LRP1B: variants seen among roughly 807,000 people sequenced by gnomAD.
LRP1B encodes the protein low-density lipoprotein receptor-related protein 1B.
In LRP1B, 217 loss-of-function variants were observed where a neutral mutation model predicts 556.6. The ratio of observed to expected loss-of-function variants is 0.39; its 90% CI spans 0.35 to 0.44. The LOEUF is 0.44. Among genes scored for constraint, LRP1B ranks in the 20% least tolerant of loss-of-function variants. The pLI is 1.00. For synonymous variants in LRP1B, 2,047 were observed against 1,865.8 expected (o/e 1.10, Z -2.50); for missense variants, 5,053 against 5,620.8 (o/e 0.90, Z 3.23).
At chr2:140,640,496 C>T (rs1368749180) in intron 41 of LRP1B, among the ~76,000 whole-genome samples, 1 of 138,302 alleles carries the variant, frequency 7.2e-6, no homozygotes, top group Non-Finnish European at 1.5e-5. Context: ...CCCGGGTTCA[C>T]GCCATTCTCC....
intron 3 of LRP1B, among the ~76,000 whole-genome samples, chr2:141,393,171 T>C (rs1245297170): frequency 6.6e-6 from 1 of 151,972 alleles, no homozygotes; most frequent in Non-Finnish European, 1.5e-5. Context: ...AAGACTAAGT[T>C]TCTATAGTAA....
chr2:141,885,061 C>T (rs577578627), intron 1 of LRP1B, among the ~76,000 whole-genome samples: 4 of 152,210 alleles, frequency 2.6e-5, no homozygotes, highest in African/African-American at 7.2e-5. Flanking sequence ...TTGTTATGTG[C>T]TTATGAATTG....
chr2:141,698,735 G>C (rs756504305), intron 2 of LRP1B, among the ~76,000 whole-genome samples: 2 of 149,554 alleles, frequency 1.3e-5, no homozygotes, highest in African/African-American at 4.9e-5. Context: ...ATTTCAGAAC[G>C]GAAAAAAAAA....
At chr2:141,390,737 G>T (rs77216925) in intron 3 of LRP1B, among the ~76,000 whole-genome samples, 5,993 of 151,908 alleles carry the variant, frequency 0.039, 400 homozygotes, top group African/African-American at 0.13. Flanking sequence ...GGTAAAGTCA[G>T]AGAGAGAGAA....
At chr2:141,271,227 A>G (rs1487379080) in intron 3 of LRP1B, among the ~76,000 whole-genome samples, 1 of 151,936 alleles carries the variant, frequency 6.6e-6, no homozygotes, top group Non-Finnish European at 1.5e-5. Flanking sequence ...AGCTATGGAA[A>G]AATAAACAGA....
intron 2 of LRP1B, among the ~76,000 whole-genome samples, chr2:141,733,752 T>A (rs1009962291): frequency 6.6e-6 from 1 of 152,152 alleles, no homozygotes; most frequent in African/African-American, 2.4e-5. Context: ...TTCCTACTGC[T>A]AGAATTGGCC....
At chr2:140,483,443 G>A (rs1037100603) in intron 59 of LRP1B, among the ~76,000 whole-genome samples, 2 of 151,378 alleles carry the variant, frequency 1.3e-5, no homozygotes, top group Admixed American at 1.3e-4. Flanking sequence ...ACCACAGACT[G>A]CTATTAGCAA....
chr2:141,145,395 G>A (rs965203778), intron 7 of LRP1B, among the ~76,000 whole-genome samples: 4 of 120,354 alleles, frequency 3.3e-5, no homozygotes, highest in Admixed American at 7.8e-5. Context: ...TATTTCATTC[G>A]TATAGATTAC....
Position 141,191,508 on chromosome 2 carries a change from A to G in LRP1B, c.851-2925T>C, listed in dbSNP as rs900183973. ...AGGGTATATTGTCAAAACAAGGTAG[A>G]GAAGGCAGAAACTTTGTGGGAATGT... On this transcript the variant is annotated intron_variant, in intron 6 of 90. Transcript: ENST00000389484. Among the ~76,000 whole-genome samples, 3 of 152,078 alleles carry G rather than the reference A, an allele frequency of 2.0e-5. No homozygotes were observed. In the South Asian group the frequency reaches 6.2e-4, roughly 31 times the overall value.
At position 140,612,872 on chromosome 2, in the gene LRP1B, G is replaced by A. The variant is rs894199768; in HGVS notation, c.6800-11233C>T. Among the ~76,000 whole-genome samples, 17 of 152,008 alleles carry A rather than the reference G, an allele frequency of 1.1e-4. No homozygotes were observed. The East Asian group carries it at 1.4e-3, about 12-fold the overall frequency. On this transcript the variant is annotated intron_variant, in intron 41 of 90. Transcript: ENST00000389484. ...TTTTTTTAGGAAGTGGAAGATTACC[G>A]GAGGAAGGAGCAGAAGCATGGACTA...
intron 1 of LRP1B, among the ~76,000 whole-genome samples, chr2:142,086,642 A>AACAAAC (rs757316208): frequency 3.2e-3 from 37 of 11,386 alleles, no homozygotes; most frequent in African/African-American, 8.9e-3. Context: ...CAAACAAACA[A>AACAAAC]AAAAAAAACA....
intron 66 of LRP1B, among the ~76,000 whole-genome samples, chr2:140,413,901 T>C (rs1394976716): frequency 6.6e-6 from 1 of 152,168 alleles, no homozygotes; most frequent in Non-Finnish European, 1.5e-5. Context: ...TATCTTTTTT[T>C]CCAGAAATAC....
chr2:140,639,894 T>C (rs914215033), intron 41 of LRP1B, among the ~76,000 whole-genome samples: 1 of 152,184 alleles, frequency 6.6e-6, no homozygotes, highest in South Asian at 2.1e-4. Context: ...ATTCAACAAG[T>C]GTGCTACTAC....
At chr2:140,822,069 C>G (rs1293486639) in intron 31 of LRP1B, among the ~76,000 whole-genome samples, 2 of 151,952 alleles carry the variant, frequency 1.3e-5, no homozygotes, top group African/African-American at 4.8e-5. Context: ...CACAAGATTC[C>G]TAAGAATATC....
intron 25 of LRP1B, among the ~76,000 whole-genome samples, chr2:140,880,315 G>A (rs571225097): frequency 4.6e-5 from 7 of 152,244 alleles, no homozygotes; most frequent in Admixed American, 2.0e-4. Context: ...CCTGGTGCTT[G>A]TTACTCTCTA....
chr2:141,854,821 A>G (rs1320051040), intron 1 of LRP1B, among the ~76,000 whole-genome samples: 1 of 152,072 alleles, frequency 6.6e-6, no homozygotes, highest in African/African-American at 2.4e-5. Flanking sequence ...CATAGAAAAC[A>G]TATTATCTGT....
chr2:141,210,338 G>GA (rs1370808794), intron 6 of LRP1B, among the ~76,000 whole-genome samples: 2 of 146,056 alleles, frequency 1.4e-5, no homozygotes, highest in African/African-American at 5.1e-5. Context: ...TACTTAAAGA[G>GA]AAAAAATACA....
At chr2:140,705,778 G>T (rs1013958304) in intron 37 of LRP1B, among the ~76,000 whole-genome samples, 1 of 152,038 alleles carries the variant, frequency 6.6e-6, no homozygotes, top group Non-Finnish European at 1.5e-5. Context: ...AAACAGTAGT[G>T]ATTAGATATG....
chr2:140,917,879 G>T (rs1030085275), intron 21 of LRP1B, among the ~76,000 whole-genome samples: 9 of 152,044 alleles, frequency 5.9e-5, no homozygotes, highest in African/African-American at 2.2e-4. Flanking sequence ...TAGGTGCATT[G>T]ATTATAACAA....
Sources: gnomAD v4.1 joint callset for allele counts (sites outside exome capture counted in the v4.1 genomes callset) on GRCh38, gnomAD v4.1.1 for gene constraint, MANE v1.5 for transcripts, NCBI Gene and HGNC (gene_info 2026-07-23, HGNC 2026-07-21) for gene names.